Variants in TENT2 observed in about 807,000 individuals in gnomAD.
TENT2 encodes the protein terminal nucleotidyltransferase 2, also known as poly(A) RNA polymerase GLD2.
A neutral mutation model predicts 72.2 loss-of-function variants in TENT2; 44 were observed. That is an observed-to-expected ratio of 0.61 (90% confidence interval 0.48 to 0.78). The LOEUF (loss-of-function observed/expected upper bound fraction) is 0.78. Among genes scored for constraint, TENT2 ranks in the 30% least tolerant of loss-of-function variants. TENT2 has a pLI of 0.00. For missense variants in TENT2, 541 were observed against 569.6 expected (o/e 0.95, Z 0.51); for synonymous variants, 212 against 192.5 (o/e 1.10, Z -0.84).
chr5:79,679,573 T>C lies in TENT2; in HGVS notation c.1209-6T>C, dbSNP rs375033245. ...GTTAACATGGTTACTGTTTTTCTTC[T>C]TATAGCTGGAATAGTCAAATGATTT... On this transcript the variant is annotated splice_polypyrimidine_tract_variant and splice_region_variant and intron_variant, in intron 12 of 14. Transcript: ENST00000453514. 33 of 1,579,028 alleles carry C rather than the reference T, an allele frequency of 2.1e-5. No individual in the cohort carries two copies. The highest frequency in any genetic ancestry group is 2.8e-5 in the Non-Finnish European group (32 of 1,160,112).
chr5:79,628,966 T>G lies in TENT2; in HGVS notation c.465+5477T>G, dbSNP rs1772772546. On this transcript the variant is annotated intron_variant, in intron 4 of 14. Coordinates refer to ENST00000453514, the MANE Select transcript of TENT2 (RefSeq NM_001114394.3). ...ACAAAATAGAGTTGAGATGCTGGCT[T>G]GTGTTGGACATTGACACAGGCAGTT... 2.6e-5 allele frequency among the ~76,000 whole-genome samples: 4 copies of G among 152,148 alleles called. No individual in the cohort carries two copies. In the South Asian group the frequency reaches 8.3e-4, roughly 32 times the overall value.
chr5:79,641,223 T>G, intron 6 of TENT2, 27 bp downstream of exon 6: 1 of 1,506,496 alleles, frequency 6.6e-7, no homozygotes, highest in South Asian at 1.3e-5. Flanking sequence ...TTATTCCAAG[T>G]GTGTTTCTCA....
intron 11 of TENT2, among the ~76,000 whole-genome samples, chr5:79,662,543 G>A (rs7724000): frequency 0.2 from 30,803 of 152,080 alleles, 4,617 homozygotes; most frequent in African/African-American, 0.42. Context: ...TGGATGTTGT[G>A]TTAGCAGGCA....
chr5:79,618,208 T>A (rs1418540586), intron 1 of TENT2, among the ~76,000 whole-genome samples: 2 of 152,282 alleles, frequency 1.3e-5, no homozygotes, highest in Non-Finnish European at 2.9e-5. Flanking sequence ...TGCTTTCAAT[T>A]TTATAATTTC....
intron 4 of TENT2, among the ~76,000 whole-genome samples, chr5:79,628,790 T>C (rs886878227): frequency 1.7e-4 from 26 of 152,312 alleles, no homozygotes; most frequent in African/African-American, 7.2e-5. Context: ...ATAGGGCTTA[T>C]GAGAAATAGG....
At chr5:79,647,473 A>G (rs1790033221) in intron 8 of TENT2, among the ~76,000 whole-genome samples, 1 of 152,202 alleles carries the variant, frequency 6.6e-6, no homozygotes, top group Admixed American at 6.5e-5. Context: ...CACAAACACA[A>G]AGAATAACTC....
At chr5:79,638,199 T>C (rs1781731939) in intron 4 of TENT2, among the ~76,000 whole-genome samples, 1 of 152,198 alleles carries the variant, frequency 6.6e-6, no homozygotes, top group African/African-American at 2.4e-5. Flanking sequence ...CCCTCTGTAC[T>C]ATTGGCATTT....
chr5:79,684,565 T>C (rs80324440), intron 14 of TENT2, among the ~76,000 whole-genome samples: 2,799 of 152,338 alleles, frequency 0.018, 101 homozygotes, highest in African/African-American at 0.062. Flanking sequence ...CTCATAATTA[T>C]TGTTTTTAAT....
intron 11 of TENT2, among the ~76,000 whole-genome samples, chr5:79,664,416 C>T (rs1013939130): frequency 5.9e-5 from 9 of 151,952 alleles, no homozygotes; most frequent in African/African-American, 2.2e-4. Flanking sequence ...CCAACATGGT[C>T]AAACCCCGTC....
intron 1 of TENT2, chr5:79,614,144 C>T (rs113860117): frequency 1.4e-5 from 2 of 138,768 alleles, no homozygotes; most frequent in Non-Finnish European, 3.0e-5. Flanking sequence ...GATCTTGTCA[C>T]CCAGGCTACA....
intron 7 of TENT2, among the ~76,000 whole-genome samples, chr5:79,643,530 T>C (rs955835611): frequency 6.6e-6 from 1 of 152,186 alleles, no homozygotes; most frequent in African/African-American, 2.4e-5. Flanking sequence ...CTGTGTGATA[T>C]TGGAAAGACA....
intron 12 of TENT2, 36 bp from the exon 13 acceptor site, chr5:79,679,543 A>C: frequency 7.0e-7 from 1 of 1,438,214 alleles, no homozygotes; most frequent in Non-Finnish European, 9.5e-7. Flanking sequence ...GAAATTATGA[A>C]AATAGTTAAC....
chr5:79,669,734 A>G (rs1412602715), intron 12 of TENT2, among the ~76,000 whole-genome samples: 1 of 151,926 alleles, frequency 6.6e-6, no homozygotes, highest in Non-Finnish European at 1.5e-5. Flanking sequence ...TAGGGTAATA[A>G]TAATAGTAAT....
intron 11 of TENT2, among the ~76,000 whole-genome samples, chr5:79,665,433 G>C (rs1038532541): frequency 6.6e-6 from 1 of 152,104 alleles, no homozygotes; most frequent in African/African-American, 2.4e-5. Context: ...GATATCATGG[G>C]ACAGTCTCAG....
At chr5:79,626,886 CT>C (rs1770562264) in intron 4 of TENT2, among the ~76,000 whole-genome samples, 1 of 151,906 alleles carries the variant, frequency 6.6e-6, no homozygotes, top group Non-Finnish European at 1.5e-5. Context: ...AATCCCAGCA[CT>C]TTGGGAGGCC....
rs554678950 is a variant in TENT2, at chr5:79,686,240, GAC to G, written c.*971_*972del. On this transcript the variant is annotated 3_prime_UTR_variant, in exon 15 of 15. Coordinates refer to ENST00000453514, the MANE Select transcript of TENT2 (RefSeq NM_001114394.3). ...AGTCACCACAAAATGTTTTAGATAA[GAC>G]ACAATAAAATTATTATAAATAAAAG... 1.3e-5 allele frequency: 2 copies of G among 152,382 alleles called. No individual in the cohort carries two copies. The highest frequency in any genetic ancestry group is 3.9e-4 in the East Asian group (2 of 5,166). The allele number at this position is 152,382 out of a possible 1,614,324, so 9.4% of individuals were successfully genotyped here. A position where few individuals can be genotyped will look rare whatever the true frequency, so the allele number is the denominator to read the frequency against.
In TENT2 at chr5:79,624,688, T is replaced by C. The variant is rs78783899; in HGVS notation, c.465+1199T>C. Among the ~76,000 whole-genome samples the C allele has an allele frequency of 5.7e-3, 862 of 152,304 alleles. 10 individuals carry two copies. Among genetic ancestry groups the C allele is most frequent in the African/African-American group, 0.02 (829 of 41,570 alleles). The stretch of plus-strand genomic sequence containing the variant: ...GGCCTTCTGTGTCTTGCTTTTTTCA[T>C]TTAGCATGTTTTCAAGGTTCATCCA... On this transcript the variant is annotated intron_variant, in intron 4 of 14. Transcript: ENST00000453514.
In TENT2 at chr5:79,686,504, C is replaced by T. The variant is rs1345830175; in HGVS notation, c.*1231C>T. On this transcript the variant is annotated 3_prime_UTR_variant, in exon 15 of 15. Coordinates refer to ENST00000453514, the MANE Select transcript of TENT2 (RefSeq NM_001114394.3). Reference sequence around the variant, plus strand: ...GACCTGCTGTAGTACAGTTTTGTACCTCTAACGTATTTTTTTTTTGCAGAC... The same window carrying T: ...GACCTGCTGTAGTACAGTTTTGTACTTCTAACGTATTTTTTTTTTGCAGAC... 6.6e-6 allele frequency: 1 copy of T among 151,690 alleles called. No individual in the cohort carries two copies. Among genetic ancestry groups the T allele is most frequent in the Non-Finnish European group, 1.5e-5 (1 of 67,946 alleles). 9.4% of individuals were successfully genotyped at this position (151,690 alleles called of 1,614,324 possible).
chr5:79,640,195 G>T (rs1041964407), intron 4 of TENT2, among the ~76,000 whole-genome samples: 1 of 151,570 alleles, frequency 6.6e-6, no homozygotes, highest in African/African-American at 2.4e-5. Context: ...GGCTGAGGTT[G>T]CAGTGAGCCG....
Sources: allele counts gnomAD v4.1 joint callset (sites outside exome capture counted in the v4.1 genomes callset), GRCh38; gene constraint gnomAD v4.1.1; transcripts MANE v1.5; gene names NCBI Gene and HGNC (gene_info 2026-07-23, HGNC 2026-07-21).